FAM13A: variants seen among roughly 807,000 people sequenced by gnomAD.
The protein encoded by FAM13A is protein FAM13A.
A neutral mutation model predicts 129.6 loss-of-function variants in FAM13A; 76 were observed. The ratio of observed to expected loss-of-function variants is 0.59; its 90% CI spans 0.49 to 0.71. FAM13A has a LOEUF of 0.71. FAM13A is among the 30% of genes least tolerant of loss of function. The pLI is 0.00. For missense variants in FAM13A, 1,108 were observed against 1,249.3 expected, an observed-to-expected ratio of 0.89 and a Z score of 1.70; for synonymous variants, 443 against 449.9, an observed-to-expected ratio of 0.98 and a Z score of 0.20.
intron 8 of FAM13A, among the ~76,000 whole-genome samples, chr4:88,791,901 C>A (rs952509827): frequency 2.0e-5 from 3 of 152,016 alleles, no homozygotes; most frequent in Non-Finnish European, 4.4e-5. Context: ...ATCATGTCTT[C>A]CATAGTACTC....
intron 4 of FAM13A, among the ~76,000 whole-genome samples, chr4:88,952,308 T>C (rs1236234498): frequency 6.6e-6 from 1 of 151,794 alleles, no homozygotes; most frequent in East Asian, 1.9e-4. Flanking sequence ...CAGCCTGTAA[T>C]GTTACTAAAA....
chr4:88,901,832 ATTAG>A (rs1045157963), intron 6 of FAM13A, among the ~76,000 whole-genome samples: 9 of 152,194 alleles, frequency 5.9e-5, no homozygotes, highest in Admixed American at 2.6e-4. Context: ...TTTTGAAAAA[ATTAG>A]TTAGACCACT....
intron 10 of FAM13A, among the ~76,000 whole-genome samples, chr4:88,787,143 T>A (rs1724133936): frequency 6.6e-6 from 1 of 152,160 alleles, no homozygotes. Flanking sequence ...TTTTATTAAA[T>A]CTTTTCATGG....
intron 7 of FAM13A, among the ~76,000 whole-genome samples, chr4:88,841,732 T>C (rs1453465998): frequency 1.3e-4 from 20 of 152,018 alleles, no homozygotes; most frequent in Non-Finnish European, 2.9e-5. Flanking sequence ...TCACATCCAG[T>C]AGGATGGCTA....
At chr4:88,847,952 C>CCCA (rs35093174) in intron 7 of FAM13A, among the ~76,000 whole-genome samples, 19 of 137,040 alleles carry the variant, frequency 1.4e-4, no homozygotes, top group African/African-American at 2.6e-4. Context: ...GACTCTGTCC[C>CCCA]AAAAAAAAAA....
chr4:88,847,210 C>T (rs938231082), intron 7 of FAM13A, among the ~76,000 whole-genome samples: 1 of 152,110 alleles, frequency 6.6e-6, no homozygotes, highest in Non-Finnish European at 1.5e-5. Context: ...GGTTGTCTGG[C>T]TCTACTTTTA....
At chr4:88,861,247 T>G (rs538466918) in intron 6 of FAM13A, among the ~76,000 whole-genome samples, 1 of 151,848 alleles carries the variant, frequency 6.6e-6, no homozygotes, top group South Asian at 2.1e-4. Context: ...CAAGCATGGT[T>G]GTGCATGCCT....
chr4:88,832,049 A>G (rs1188934782), intron 7 of FAM13A, among the ~76,000 whole-genome samples: 3 of 152,182 alleles, frequency 2.0e-5, no homozygotes, highest in Non-Finnish European at 4.4e-5. Context: ...AAATAGACCA[A>G]TGGAACAGAA....
At chr4:89,038,463 A>C (rs1159203402) in intron 1 of FAM13A, among the ~76,000 whole-genome samples, 2 of 123,002 alleles carry the variant, frequency 1.6e-5, no homozygotes, top group Admixed American at 8.1e-5. Context: ...AGAAAGCAAT[A>C]AAAAAAAAAT....
chr4:88,909,510 T>C (rs867074628), intron 5 of FAM13A, among the ~76,000 whole-genome samples: 20 of 151,872 alleles, frequency 1.3e-4, no homozygotes, highest in Middle Eastern at 3.4e-3. Flanking sequence ...TTTTTTGAGA[T>C]GGAGTCTCGC....
chr4:88,895,333 A>G (rs1190980689), intron 6 of FAM13A, among the ~76,000 whole-genome samples: 1 of 152,290 alleles, frequency 6.6e-6, no homozygotes, highest in Non-Finnish European at 1.5e-5. Flanking sequence ...GCCCATCAAC[A>G]CTGATTTTAA....
intron 4 of FAM13A, among the ~76,000 whole-genome samples, chr4:88,981,150 C>T (rs1010502061): frequency 8.6e-4 from 70 of 81,360 alleles, no homozygotes; most frequent in Admixed American, 4.6e-3. Context: ...TATCTATAGA[C>T]GAAAGGCACA....
At chr4:88,876,479 TA>T (rs1333791139) in intron 6 of FAM13A, among the ~76,000 whole-genome samples, 1 of 152,128 alleles carries the variant, frequency 6.6e-6, no homozygotes, top group East Asian at 1.9e-4. Flanking sequence ...AACATAATAA[TA>T]AAAAACGATG....
intron 13 of FAM13A, among the ~76,000 whole-genome samples, chr4:88,763,569 G>A (rs116598899): frequency 0.015 from 2,341 of 152,268 alleles, 46 homozygotes; most frequent in African/African-American, 0.054. Flanking sequence ...GCCAAGACTT[G>A]TCCCTGTCCA....
At chr4:89,046,357 G>A (rs533195394) in intron 1 of FAM13A, among the ~76,000 whole-genome samples, 13 of 152,298 alleles carry the variant, frequency 8.5e-5, no homozygotes, top group Admixed American at 2.6e-4. Flanking sequence ...GAGCTGCCAC[G>A]TGGTTCAGAC....
At chr4:88,950,595 G>A (rs993905036) in intron 4 of FAM13A, among the ~76,000 whole-genome samples, 1 of 152,174 alleles carries the variant, frequency 6.6e-6, no homozygotes, top group Non-Finnish European at 1.5e-5. Context: ...ATACTGAAGT[G>A]TAAAGAGCTG....
chr4:88,739,804 A>AAAG (rs1383445763), intron 19 of FAM13A, among the ~76,000 whole-genome samples: 1 of 151,480 alleles, frequency 6.6e-6, no homozygotes, highest in Non-Finnish European at 1.5e-5. Flanking sequence ...AAAAAAAAAA[A>AAAG]AAATACATAT....
chr4:88,983,089 A>T (rs1443637626), intron 4 of FAM13A, among the ~76,000 whole-genome samples: 1 of 152,194 alleles, frequency 6.6e-6, no homozygotes, highest in Non-Finnish European at 1.5e-5. Flanking sequence ...ACTTGATGGC[A>T]GTTCAACTTC....
chr4:88,767,632 A>G, intron 12 of FAM13A, 37 bp from the exon 13 acceptor site: 1 of 1,503,660 alleles, frequency 6.7e-7, no homozygotes, highest in Non-Finnish European at 9.1e-7. Flanking sequence ...ATCATAAAAT[A>G]TCTACTTGTT....
Sources: gnomAD v4.1 joint callset for allele counts (sites outside exome capture counted in the v4.1 genomes callset) on GRCh38, gnomAD v4.1.1 for gene constraint, MANE v1.5 for transcripts, NCBI Gene and HGNC (gene_info 2026-07-23, HGNC 2026-07-21) for gene names.